Variants in CALN1 observed in about 807,000 individuals in gnomAD.
CALN1 encodes calneuron 1.
Under a neutral mutation model 30.6 loss-of-function variants are expected in CALN1, and 17 were observed. The ratio of observed to expected loss-of-function variants is 0.56; its 90% CI spans 0.38 to 0.83. CALN1 has a LOEUF of 0.83. CALN1 is among the 40% of genes least tolerant of loss of function. CALN1 has a pLI of 0.00. For synonymous variants in CALN1, 156 were observed against 131.4 expected, an observed-to-expected ratio of 1.19 and a Z score of -1.28; for missense variants, 291 against 354.9, an observed-to-expected ratio of 0.82 and a Z score of 1.45.
intron 2 of CALN1, among the ~76,000 whole-genome samples, chr7:72,353,103 C>T (rs1236312086): frequency 6.6e-6 from 1 of 152,134 alleles, no homozygotes; most frequent in Non-Finnish European, 1.5e-5. Context: ...AATTAACCTC[C>T]TATGCCCTCA....
chr7:72,352,386 CTCAAAAAAAAAAAAAAAA>C, intron 2 of CALN1, among the ~76,000 whole-genome samples: 1 of 31,918 alleles, frequency 3.1e-5, no homozygotes, highest in East Asian at 1.3e-3. Flanking sequence ...GAGACTCTGT[CTCAAAAAAAAAAAAAAAA>C]AAAACTTTGA....
At chr7:71,967,625 CAAA>C (rs761089148) in intron 5 of CALN1, among the ~76,000 whole-genome samples, 2 of 70,348 alleles carry the variant, frequency 2.8e-5, no homozygotes, top group Admixed American at 1.5e-4. Context: ...GACCCTGTTT[CAAA>C]AAAAAAAAAA....
At chr7:72,058,464 CCCA>C (rs1201793370) in intron 4 of CALN1, among the ~76,000 whole-genome samples, 3 of 151,868 alleles carry the variant, frequency 2.0e-5, no homozygotes, top group African/African-American at 7.3e-5. Context: ...ATTACAGGTG[CCCA>C]CCACCACACT....
chr7:71,959,597 G>C (rs554528299), intron 5 of CALN1, among the ~76,000 whole-genome samples: 1 of 150,886 alleles, frequency 6.6e-6, no homozygotes, highest in South Asian at 2.1e-4. Flanking sequence ...CATATTCCAG[G>C]GTTTTGACTT....
intron 2 of CALN1, among the ~76,000 whole-genome samples, chr7:72,352,019 C>T (rs987376705): frequency 6.6e-6 from 1 of 152,174 alleles, no homozygotes; most frequent in African/African-American, 2.4e-5. Context: ...TGGCTCATGC[C>T]TGTAATCCCA....
intron 4 of CALN1, among the ~76,000 whole-genome samples, chr7:72,105,734 G>A (rs970761009): frequency 3.4e-5 from 5 of 147,308 alleles, no homozygotes; most frequent in Non-Finnish European, 6.0e-5. Context: ...TAGAAGAGGA[G>A]GAGGAGGAAG....
intron 3 of CALN1, among the ~76,000 whole-genome samples, chr7:72,123,894 C>T (rs1808564885): frequency 6.6e-6 from 1 of 152,186 alleles, no homozygotes; most frequent in African/African-American, 2.4e-5. Flanking sequence ...TTTGAAAAGG[C>T]TATCTCCAAA....
intron 3 of CALN1, among the ~76,000 whole-genome samples, chr7:72,232,876 C>T (rs1489281704): frequency 6.6e-6 from 1 of 152,156 alleles, no homozygotes; most frequent in Non-Finnish European, 1.5e-5. Context: ...AAACAACAGA[C>T]TTTAACACTA....
intron 2 of CALN1, among the ~76,000 whole-genome samples, chr7:72,354,732 C>G (rs181026020): frequency 6.6e-6 from 1 of 152,220 alleles, no homozygotes; most frequent in East Asian, 1.9e-4. Context: ...GCTGGAATAA[C>G]TGGATATTCA....
chr7:72,152,957 GT>G (rs1264570181), intron 3 of CALN1, among the ~76,000 whole-genome samples: 1 of 152,200 alleles, frequency 6.6e-6, no homozygotes, highest in Non-Finnish European at 1.5e-5. Context: ...ATACAAAGCT[GT>G]TTTGTCAGTA....
intron 3 of CALN1, among the ~76,000 whole-genome samples, chr7:72,215,640 C>T (rs966893610): frequency 1.3e-5 from 2 of 151,600 alleles, no homozygotes; most frequent in African/African-American, 4.8e-5. Context: ...CAGTGAAGTC[C>T]CAATTTTAAT....
At chr7:71,810,582 T>C (rs1164615279) in intron 5 of CALN1, 90 bp from the exon 6 acceptor site, 55 of 1,310,158 alleles carry the variant, frequency 4.2e-5, no homozygotes, top group South Asian at 1.5e-4. Flanking sequence ...ACAGCTGCTC[T>C]GCAGAAACTT....
the CALN1 span, among the ~76,000 whole-genome samples, chr7:72,486,146 C>T: frequency 6.6e-6 from 1 of 152,006 alleles, no homozygotes; most frequent in Non-Finnish European, 1.5e-5. Flanking sequence ...ATACTGCTGG[C>T]AACGGTAAAA....
At chr7:72,110,142 T>C (rs947970227) in intron 3 of CALN1, among the ~76,000 whole-genome samples, 8 of 152,292 alleles carry the variant, frequency 5.3e-5, no homozygotes, top group Middle Eastern at 3.4e-3. Context: ...GTCCCTTCCA[T>C]TGACAGACCT....
chr7:72,061,796 C>CA (rs1161510912), intron 4 of CALN1, among the ~76,000 whole-genome samples: 1,147 of 84,980 alleles, frequency 0.013, 29 homozygotes, highest in African/African-American at 0.036. Flanking sequence ...GACTCTGTCT[C>CA]AAAAAAAAAA....
chr7:71,862,748 A>C (rs1458646838), intron 5 of CALN1, among the ~76,000 whole-genome samples: 2 of 152,218 alleles, frequency 1.3e-5, no homozygotes, highest in Non-Finnish European at 2.9e-5. Context: ...TTAAATTCCC[A>C]GATTTTGTTC....
chr7:72,217,059 T>C (rs1428771425), intron 3 of CALN1, among the ~76,000 whole-genome samples: 3 of 152,066 alleles, frequency 2.0e-5, no homozygotes, highest in Non-Finnish European at 2.9e-5. Context: ...TAAACCCATG[T>C]GTGAATGTGA....
intron 5 of CALN1, among the ~76,000 whole-genome samples, chr7:71,978,272 T>A (rs1298551389): frequency 5.1e-5 from 7 of 135,978 alleles, no homozygotes; most frequent in Non-Finnish European, 1.1e-4. Flanking sequence ...CTTTTTTTTT[T>A]TTTTTTTTTT....
intron 1 of CALN1, among the ~76,000 whole-genome samples, chr7:72,431,231 C>A (rs183120687): frequency 2.0e-5 from 3 of 152,180 alleles, no homozygotes; most frequent in Admixed American, 2.0e-4. Context: ...AGCCGGGCAC[C>A]AATCTATTTT....
Sources: allele counts gnomAD v4.1 joint callset (sites outside exome capture counted in the v4.1 genomes callset), GRCh38; gene constraint gnomAD v4.1.1; transcripts MANE v1.5; gene names NCBI Gene and HGNC (gene_info 2026-07-23, HGNC 2026-07-21).